The following MFHAS1 variants were observed in gnomAD, a reference collection of about 807,000 sequenced individuals.
MFHAS1 encodes the protein multifunctional ROCO family signaling regulator 1.
Under a neutral mutation model 70.4 loss-of-function variants are expected in MFHAS1, and 50 were observed. The observed-to-expected ratio is 0.71, with a 90% CI of 0.57 to 0.90. The LOEUF (loss-of-function observed/expected upper bound fraction) is 0.90, where lower values mean the gene tolerates loss of function less well. Ranked by LOEUF, MFHAS1 falls within the 40% of genes least tolerant of loss-of-function variation. The probability of loss-of-function intolerance (pLI) is 0.00; values close to 1 mark genes in which losing one functional copy is unlikely to be tolerated. For synonymous variants in MFHAS1, 952 were observed against 620.0 expected (o/e 1.54, Z -7.96); for missense variants, 1,795 against 1,347.6 (o/e 1.33, Z -5.20).
chr8:8,891,103 G>T lies in MFHAS1; in HGVS notation c.1956C>A (p.Phe652Leu). 2.5e-6 allele frequency: 4 copies of T among 1,613,892 alleles called. No individual in the cohort carries two copies. The highest frequency in any genetic ancestry group is 2.5e-6 in the Non-Finnish European group (3 of 1,180,004). Reference protein sequence around the residue: ...LLSVAEHREIFPNLHRVLPRS... With the variant: ...LLSVAEHREILPNLHRVLPRS... Reference sequence around the variant, plus strand: ...GAGGCAGTACTCTGTGTAAGTTGGGGAAGATCTCTCGGTGCTCAGCAACTG... The same window carrying T: ...GAGGCAGTACTCTGTGTAAGTTGGGTAAGATCTCTCGGTGCTCAGCAACTG... The change falls in exon 1 of 3, where the codon TTC becomes TTA. Residue 652 changes from phenylalanine (F) to leucine (L), a missense_variant. Coordinates refer to ENST00000276282, the MANE Select transcript of MFHAS1 (RefSeq NM_004225.3). The surrounding 1 kb of genome is among the most constrained non-coding windows in gnomAD (Gnocchi z 5.4).
intron 1 of MFHAS1, 70 bp downstream of exon 1, chr8:8,889,991 G>A (rs1809923727): frequency 1.2e-5 from 16 of 1,296,504 alleles, no homozygotes; most frequent in Non-Finnish European, 1.7e-5. Flanking sequence ...TCTGCCAAAT[G>A]ACAACCAAGT....
intron 1 of MFHAS1, among the ~76,000 whole-genome samples, chr8:8,869,420 A>T (rs1379219793): frequency 6.6e-6 from 1 of 152,194 alleles, no homozygotes; most frequent in Admixed American, 6.5e-5. Context: ...AATCAGCATC[A>T]TTTATCTTTG....
At position 8,890,047 on chromosome 8, in the gene MFHAS1, C is replaced by G. The variant is rs750565505; in HGVS notation, c.2998+14G>C. The G allele has an allele frequency of 1.3e-5, 21 of 1,565,542 alleles. 1 individual carries two copies. Among genetic ancestry groups the G allele is most frequent in the Non-Finnish European group, 1.7e-5 (20 of 1,150,268 alleles). On this transcript the variant is annotated intron_variant, in intron 1 of 2. Transcript: ENST00000276282. The stretch of plus-strand genomic sequence containing the variant: ...CAGCATACCACAGAAGAACTTCTCC[C>G]TCTCTCCACTTACCTGGAAAAGCAT...
intron 1 of MFHAS1, among the ~76,000 whole-genome samples, chr8:8,812,794 G>C (rs1180707727): frequency 9.5e-6 from 1 of 104,902 alleles, no homozygotes; most frequent in African/African-American, 4.3e-5. Context: ...TTGATATAGA[G>C]TCTCGCTGTC....
intron 1 of MFHAS1, among the ~76,000 whole-genome samples, chr8:8,800,759 C>A (rs1806057463): frequency 6.6e-6 from 1 of 152,224 alleles, no homozygotes; most frequent in South Asian, 2.1e-4. Context: ...GAATTCCACA[C>A]AGGCCCCAGC....
chr8:8,825,526 G>C (rs181413636), intron 1 of MFHAS1, among the ~76,000 whole-genome samples: 3 of 152,290 alleles, frequency 2.0e-5, no homozygotes, highest in African/African-American at 4.8e-5. Flanking sequence ...CCAAGATCAA[G>C]GTGCTGGCAG....
Position 8,785,906 on chromosome 8 carries a change from G to C in MFHAS1, c.*116C>G, listed in dbSNP as rs1805525099. 2.4e-6 allele frequency: 2 copies of C among 829,494 alleles called. No individual in the cohort carries two copies. The highest frequency in any genetic ancestry group is 3.5e-5 in the African/African-American group (2 of 57,208). The allele number at this position is 829,494 out of a possible 1,614,324, so 51.4% of individuals were successfully genotyped here. Reference sequence around the variant, plus strand: ...AAAAAGCACCCTGCAAGCACGCGTTGTCACTCAAGTTCACAGAACACGCTG... The same window carrying C: ...AAAAAGCACCCTGCAAGCACGCGTTCTCACTCAAGTTCACAGAACACGCTG... On this transcript the variant is annotated 3_prime_UTR_variant, in exon 3 of 3. Transcript: ENST00000276282.
intron 1 of MFHAS1, among the ~76,000 whole-genome samples, chr8:8,887,877 A>C (rs1333775492): frequency 4.6e-5 from 7 of 150,988 alleles, no homozygotes; most frequent in Non-Finnish European, 7.4e-5. Flanking sequence ...AAAAAAAAAA[A>C]ACCTCCAGCC....
At chr8:8,826,677 G>C (rs1483025506) in intron 1 of MFHAS1, among the ~76,000 whole-genome samples, 2 of 152,224 alleles carry the variant, frequency 1.3e-5, no homozygotes, top group Non-Finnish European at 2.9e-5. Context: ...AGGCTGCAGT[G>C]AGCTGAGATC....
chr8:8,789,537 T>A (rs771345806), intron 2 of MFHAS1, among the ~76,000 whole-genome samples: 1 of 152,120 alleles, frequency 6.6e-6, no homozygotes, highest in African/African-American at 2.4e-5. Flanking sequence ...CCTTCCAGGA[T>A]GCAACAAAGA....
intron 1 of MFHAS1, among the ~76,000 whole-genome samples, chr8:8,857,022 G>A (rs922322196): frequency 9.6e-4 from 120 of 124,378 alleles, no homozygotes; most frequent in Non-Finnish European, 1.4e-3. Flanking sequence ...GAGAGATACC[G>A]AAAGAGCCAG....
chr8:8,827,341 C>G (rs984711210), intron 1 of MFHAS1, among the ~76,000 whole-genome samples: 2 of 152,188 alleles, frequency 1.3e-5, no homozygotes, highest in Non-Finnish European at 2.9e-5. Context: ...CTTTTAAATT[C>G]TAGTCTAAGG....
At chr8:8,847,785 G>A (rs1433159052) in intron 1 of MFHAS1, among the ~76,000 whole-genome samples, 4 of 152,104 alleles carry the variant, frequency 2.6e-5, no homozygotes, top group South Asian at 2.1e-4. Context: ...ATTCCCAACC[G>A]CTTCAGACAG....
At chr8:8,786,513 C>T (rs1395303308) in intron 2 of MFHAS1, among the ~76,000 whole-genome samples, 1 of 152,172 alleles carries the variant, frequency 6.6e-6, no homozygotes, top group Non-Finnish European at 1.5e-5. Context: ...CATGATTTTA[C>T]TTAAAATGTT....
At chr8:8,800,917 G>C (rs1215872831) in intron 1 of MFHAS1, among the ~76,000 whole-genome samples, 1 of 151,886 alleles carries the variant, frequency 6.6e-6, no homozygotes, top group Non-Finnish European at 1.5e-5. Context: ...CATTTTGCCA[G>C]AGAATTTGAA....
chr8:8,846,477 C>G (rs577092395), intron 1 of MFHAS1, among the ~76,000 whole-genome samples: 1 of 152,172 alleles, frequency 6.6e-6, no homozygotes, highest in African/African-American at 2.4e-5. Context: ...TGCCTTACCT[C>G]CCTGCCTTCA....
At chr8:8,813,459 T>G (rs1376005087) in intron 1 of MFHAS1, among the ~76,000 whole-genome samples, 1 of 152,204 alleles carries the variant, frequency 6.6e-6, no homozygotes, top group African/African-American at 2.4e-5. Flanking sequence ...TCATTGTCCC[T>G]GAAGATCTTC....
At chr8:8,819,936 T>C (rs1806892341) in intron 1 of MFHAS1, among the ~76,000 whole-genome samples, 1 of 152,068 alleles carries the variant, frequency 6.6e-6, no homozygotes, top group Non-Finnish European at 1.5e-5. Flanking sequence ...GAGTTCAAAC[T>C]ATCCTCCCGC....
At chr8:8,812,833 C>G (rs919143006) in intron 1 of MFHAS1, among the ~76,000 whole-genome samples, 2 of 151,982 alleles carry the variant, frequency 1.3e-5, no homozygotes, top group African/African-American at 4.8e-5. Flanking sequence ...GTGGAGTGAT[C>G]TGAGCTCACT....
Sources: allele counts gnomAD v4.1 joint callset (sites outside exome capture counted in the v4.1 genomes callset), GRCh38; gene constraint gnomAD v4.1.1; non-coding constraint Gnocchi (gnomAD v3.1); transcripts MANE v1.5; gene names NCBI Gene and HGNC (gene_info 2026-07-23, HGNC 2026-07-21).